The following MATN2 variants were observed in gnomAD, a reference collection of about 807,000 sequenced individuals.
MATN2 encodes the protein matrilin-2.
MATN2 carries 69 observed loss-of-function variants against 103.2 expected under a neutral mutation model. That is an observed-to-expected ratio of 0.67 (90% CI 0.55 to 0.82). MATN2 has a LOEUF of 0.82. Ranked by LOEUF, MATN2 falls within the 40% of genes least tolerant of loss-of-function variation. MATN2 has a pLI of 0.00. For synonymous variants in MATN2, 429 were observed against 450.2 expected (o/e 0.95, Z 0.60); for missense variants, 1,023 against 1,211.5 (o/e 0.84, Z 2.31).
intron 5 of MATN2, among the ~76,000 whole-genome samples, chr8:97,974,481 C>T (rs1319099322): frequency 6.8e-6 from 1 of 147,638 alleles, no homozygotes; most frequent in Non-Finnish European, 1.5e-5. Flanking sequence ...TAGTCTCACA[C>T]TGTCGCCCAG....
chr8:97,919,335 C>T (rs911539648), intron 2 of MATN2, among the ~76,000 whole-genome samples: 4 of 152,130 alleles, frequency 2.6e-5, no homozygotes, highest in African/African-American at 9.7e-5. Context: ...CAAGTTCAAG[C>T]AATTCTCCTG....
rs200267524 is a variant in MATN2, at chr8:97,982,435, TA to T, written c.1081+3431del. Among the ~76,000 whole-genome samples, 21 of 152,310 alleles carry T rather than the reference TA, an allele frequency of 1.4e-4. No homozygotes were observed. The highest frequency in any genetic ancestry group is 1.2e-3 in the Admixed American group (19 of 15,298). On this transcript the variant is annotated intron_variant, in intron 6 of 18. Coordinates refer to ENST00000254898, the MANE Select transcript of MATN2 (RefSeq NM_002380.5). The surrounding 1 kb of genome is among the most constrained non-coding windows in gnomAD (Gnocchi z 4.3). ...GCTGTGATGTTGAAAGATTTTTTTTTAAAATTCTACTTCTTATACACTTGCA... is the reference window on the plus strand; with the variant it reads ...GCTGTGATGTTGAAAGATTTTTTTTTAAATTCTACTTCTTATACACTTGCA...
chr8:97,974,678 C>T (rs1022304736), intron 5 of MATN2, among the ~76,000 whole-genome samples: 2 of 152,136 alleles, frequency 1.3e-5, no homozygotes, highest in African/African-American at 2.4e-5. Context: ...AACTCCTGAC[C>T]TTGTGATCCA....
chr8:97,911,199 G>T (rs1226648613), intron 2 of MATN2, among the ~76,000 whole-genome samples: 1 of 151,408 alleles, frequency 6.6e-6, no homozygotes, highest in Non-Finnish European at 1.5e-5. Flanking sequence ...CACCATATTG[G>T]CCAGGCTGCT....
chr8:98,008,967 C>T (rs1345564758), intron 10 of MATN2, among the ~76,000 whole-genome samples: 4 of 152,196 alleles, frequency 2.6e-5, no homozygotes. Context: ...TGCCCAGGTC[C>T]ACATCTGGAT....
At chr8:98,030,253 C>T (rs536753670) in intron 14 of MATN2, among the ~76,000 whole-genome samples, 34 of 152,220 alleles carry the variant, frequency 2.2e-4, no homozygotes, top group African/African-American at 8.2e-4. Flanking sequence ...TCCCCAGCGT[C>T]TCCCAGATGC....
At chr8:97,901,269 T>G (rs1280459567) in intron 2 of MATN2, among the ~76,000 whole-genome samples, 1 of 152,166 alleles carries the variant, frequency 6.6e-6, no homozygotes, top group Non-Finnish European at 1.5e-5. Context: ...TTTTTTCTTT[T>G]TGAGATGGAG....
chr8:97,927,334 T>A (rs1380681545), intron 2 of MATN2, among the ~76,000 whole-genome samples: 66 of 152,024 alleles, frequency 4.3e-4, no homozygotes, highest in African/African-American at 1.5e-3. Context: ...TTATTTTTTT[T>A]TTTTTAGTAG....
chr8:97,958,879 G>A (rs1047478522), intron 4 of MATN2, among the ~76,000 whole-genome samples: 3 of 152,150 alleles, frequency 2.0e-5, no homozygotes, highest in Non-Finnish European at 4.4e-5. Flanking sequence ...GGTGTCAATG[G>A]TCTTTCCCAT....
At chr8:97,902,291 T>A (rs1460005108) in intron 2 of MATN2, among the ~76,000 whole-genome samples, 1 of 149,318 alleles carries the variant, frequency 6.7e-6, no homozygotes, top group African/African-American at 2.5e-5. Context: ...AGGTCAGGAG[T>A]CTGAGACCAG....
chr8:97,948,691 C>T (rs974729702), intron 4 of MATN2, among the ~76,000 whole-genome samples: 2 of 152,148 alleles, frequency 1.3e-5, no homozygotes, highest in African/African-American at 4.8e-5. Context: ...CTTGTCTTTA[C>T]CTCATAACAT....
intron 5 of MATN2, among the ~76,000 whole-genome samples, chr8:97,967,862 G>A (rs1484658971): frequency 2.0e-5 from 3 of 152,248 alleles, no homozygotes; most frequent in African/African-American, 7.2e-5. Context: ...CTGTATGAGA[G>A]TTCCAACCCT....
At chr8:97,911,568 A>T (rs369232298) in intron 2 of MATN2, among the ~76,000 whole-genome samples, 3 of 151,838 alleles carry the variant, frequency 2.0e-5, no homozygotes, top group Non-Finnish European at 2.9e-5. Flanking sequence ...ATAGCTGGGC[A>T]TGGTGGCGTG....
chr8:97,951,136 C>T (rs917158568), intron 4 of MATN2, among the ~76,000 whole-genome samples: 8 of 152,202 alleles, frequency 5.3e-5, no homozygotes, highest in Non-Finnish European at 1.2e-4. Flanking sequence ...AAGCAGTGGG[C>T]TTGCTAAATG....
chr8:97,933,402 A>T lies in MATN2; in HGVS notation c.712+1880A>T, dbSNP rs181507785. Among the ~76,000 whole-genome samples the T allele has an allele frequency of 3.0e-4, 46 of 152,290 alleles. 2 individuals are homozygous for T. In the East Asian group the frequency reaches 8.9e-3, roughly 29 times the overall value. On this transcript the variant is annotated intron_variant, in intron 3 of 18. Coordinates refer to ENST00000254898, the MANE Select transcript of MATN2 (RefSeq NM_002380.5). Reference sequence around the variant, plus strand: ...GGTTCTGTAACCATTTTGACAGCTTATTCATTTGTGTTGGAAAATTTTAAT... The same window carrying T: ...GGTTCTGTAACCATTTTGACAGCTTTTTCATTTGTGTTGGAAAATTTTAAT...
In MATN2 at chr8:97,888,140, G is replaced by T. The variant is rs1364532514; in HGVS notation, c.40G>T (p.Gly14Ter). ...MLAGCFLLILGQIVLLPAEAR... is the reference protein window; with the variant it reads ...MLAGCFLLIL ...CGCAGGCTGCTTTCTGCTGATCCTC[G>T]GACAGATCGTCCTCCTCCCTGCCGA... Residue 14 changes from glycine to a stop codon, truncating the protein, a stop_gained, in exon 2 of 19, where the codon GGA (glycine) becomes TGA (stop). Coordinates refer to ENST00000254898, the MANE Select transcript of MATN2 (RefSeq NM_002380.5). LOFTEE classifies it high-confidence loss of function. The T allele has an allele frequency of 3.1e-6, 5 of 1,609,012 alleles. No individual in the cohort carries two copies. Among genetic ancestry groups the T allele is most frequent in the East Asian group, 4.5e-5 (2 of 44,524 alleles).
chr8:97,924,146 G>A (rs1809906784), intron 2 of MATN2, among the ~76,000 whole-genome samples: 1 of 152,036 alleles, frequency 6.6e-6, no homozygotes, highest in Non-Finnish European at 1.5e-5. Flanking sequence ...TTCTCGTTTG[G>A]CTACATGATA....
At chr8:98,026,148 C>A (rs1022521621) in intron 13 of MATN2, among the ~76,000 whole-genome samples, 1 of 128,982 alleles carries the variant, frequency 7.8e-6, no homozygotes, top group African/African-American at 2.9e-5. Flanking sequence ...CATTGCACTT[C>A]AGCCTGGGTA....
intron 6 of MATN2, among the ~76,000 whole-genome samples, chr8:97,987,634 T>C (rs955838824): frequency 1.3e-5 from 2 of 152,160 alleles, no homozygotes; most frequent in Non-Finnish European, 2.9e-5. Flanking sequence ...TAATGAATAT[T>C]TTCCAGTATA....
Sources: allele counts gnomAD v4.1 joint callset (sites outside exome capture counted in the v4.1 genomes callset), GRCh38; gene constraint gnomAD v4.1.1; non-coding constraint Gnocchi (gnomAD v3.1); transcripts MANE v1.5; gene names NCBI Gene and HGNC (gene_info 2026-07-23, HGNC 2026-07-21).